Variants in RIMS2 observed in about 807,000 individuals in gnomAD.
RIMS2 encodes the protein regulating synaptic membrane exocytosis protein 2.
A neutral mutation model predicts 174.4 loss-of-function variants in RIMS2; 59 were observed. The ratio of observed to expected loss-of-function variants is 0.34; its 90% confidence interval spans 0.27 to 0.42. The LOEUF is 0.42. Ranked by LOEUF, RIMS2 falls within the 10% of genes least tolerant of loss-of-function variation. RIMS2 has a pLI of 1.00. For missense variants in RIMS2, 1,620 were observed against 1,666.3 expected (o/e 0.97, Z 0.48); for synonymous variants, 606 against 572.5 (o/e 1.06, Z -0.84).
At chr8:104,076,039 A>G (rs1442856673) in intron 19 of RIMS2, among the ~76,000 whole-genome samples, 2 of 152,188 alleles carry the variant, frequency 1.3e-5, no homozygotes, top group Non-Finnish European at 2.9e-5. Flanking sequence ...ACCCTGAGGT[A>G]TTTCCTTTAT....
chr8:103,567,975 T>A (rs2092502687), intron 1 of RIMS2, among the ~76,000 whole-genome samples: 1 of 152,190 alleles, frequency 6.6e-6, no homozygotes, highest in South Asian at 2.1e-4. Flanking sequence ...GAAATATATA[T>A]TCAAATCCTT....
chr8:104,138,971 A>T (rs2098544631), intron 19 of RIMS2, among the ~76,000 whole-genome samples: 1 of 152,128 alleles, frequency 6.6e-6, no homozygotes, highest in East Asian at 1.9e-4. Flanking sequence ...ATCTAGTTTT[A>T]TTTTTCTGCA....
chr8:103,595,224 A>C (rs1031766945), intron 1 of RIMS2, among the ~76,000 whole-genome samples: 1 of 151,792 alleles, frequency 6.6e-6, no homozygotes, highest in Non-Finnish European at 1.5e-5. Flanking sequence ...TTTTAATATT[A>C]ATATCTATTT....
At chr8:104,043,022 T>TA (rs2096634804) in intron 19 of RIMS2, among the ~76,000 whole-genome samples, 1 of 151,486 alleles carries the variant, frequency 6.6e-6, no homozygotes, top group South Asian at 2.1e-4. Context: ...GAAGAGAATT[T>TA]AAAAAAATCT....
At chr8:104,235,610 C>A (rs906458973) in intron 19 of RIMS2, among the ~76,000 whole-genome samples, 1 of 151,986 alleles carries the variant, frequency 6.6e-6, no homozygotes, top group Non-Finnish European at 1.5e-5. Context: ...CATAGACTGA[C>A]AGACGTTATT....
intron 6 of RIMS2, among the ~76,000 whole-genome samples, chr8:103,912,979 T>TTTG (rs1283303476): frequency 4.8e-5 from 7 of 145,760 alleles, no homozygotes; most frequent in Non-Finnish European, 1.1e-4. Context: ...TGTTTTTTTT[T>TTTG]TTTTTTTTTT....
In RIMS2 at chr8:104,114,317, G is replaced by T. The variant is rs145787184; in HGVS notation, c.3334+99702G>T. Among the ~76,000 whole-genome samples, 4 of 151,912 alleles carry T rather than the reference G, an allele frequency of 2.6e-5. No homozygotes were observed. In the East Asian group the frequency reaches 7.7e-4, roughly 29 times the overall value. On this transcript the variant is annotated intron_variant, in intron 19 of 23. Transcript: ENST00000504942. ...TCTGCATTTCACTTGCTATATACTAGTTTCTCGATTTGTGGTTATTACACA... is the reference window on the plus strand; with the variant it reads ...TCTGCATTTCACTTGCTATATACTATTTTCTCGATTTGTGGTTATTACACA...
At chr8:103,531,387 C>A (rs1406935364) in intron 1 of RIMS2, among the ~76,000 whole-genome samples, 2 of 152,070 alleles carry the variant, frequency 1.3e-5, no homozygotes, top group Non-Finnish European at 2.9e-5. Context: ...ATCAATAAAT[C>A]ATCTTCTAAA....
chr8:104,003,003 T>C (rs948013522), intron 17 of RIMS2, among the ~76,000 whole-genome samples: 2 of 152,220 alleles, frequency 1.3e-5, no homozygotes, highest in Non-Finnish European at 2.9e-5. Context: ...TTAGGATGGA[T>C]ATCATGTTAC....
intron 1 of RIMS2, among the ~76,000 whole-genome samples, chr8:103,636,143 C>T (rs936338425): frequency 6.6e-6 from 1 of 152,164 alleles, no homozygotes; most frequent in Admixed American, 6.5e-5. Flanking sequence ...GGAGCTCCTT[C>T]TTAGGTAGGT....
At chr8:103,564,150 G>C (rs2092021902) in intron 1 of RIMS2, among the ~76,000 whole-genome samples, 1 of 152,096 alleles carries the variant, frequency 6.6e-6, no homozygotes, top group Admixed American at 6.5e-5. Context: ...CATAACTTTT[G>C]TTAAGACATG....
intron 1 of RIMS2, among the ~76,000 whole-genome samples, chr8:103,647,124 G>A (rs1167303935): frequency 1.3e-5 from 2 of 152,154 alleles, no homozygotes; most frequent in Admixed American, 6.6e-5. Context: ...TTTATGTGAA[G>A]AGTTACATTT....
At chr8:103,849,981 C>A (rs557281586) in intron 3 of RIMS2, among the ~76,000 whole-genome samples, 2 of 152,104 alleles carry the variant, frequency 1.3e-5, no homozygotes, top group South Asian at 4.1e-4. Context: ...CCTAATATAG[C>A]TGTTTACACG....
At chr8:103,773,880 A>G (rs1243771348) in intron 3 of RIMS2, among the ~76,000 whole-genome samples, 1 of 152,094 alleles carries the variant, frequency 6.6e-6, no homozygotes, top group Non-Finnish European at 1.5e-5. Flanking sequence ...AGTATAAAAC[A>G]TTTAAAATTG....
chr8:103,786,396 T>C (rs1193594097), intron 3 of RIMS2, among the ~76,000 whole-genome samples: 4 of 151,994 alleles, frequency 2.6e-5, no homozygotes, highest in Non-Finnish European at 5.9e-5. Flanking sequence ...CTGCTTTCTC[T>C]TGTGGGCATT....
exon 5 of RIMS2, chr8:103,910,166 T>C (rs2075374167): frequency 6.2e-7 from 1 of 1,612,390 alleles, no homozygotes; most frequent in Non-Finnish European, 8.5e-7. Context: ...GGATCATACG[T>C]CTTGGCATAG....
chr8:104,038,077 T>G (rs1435380833), intron 19 of RIMS2, among the ~76,000 whole-genome samples: 1 of 152,030 alleles, frequency 6.6e-6, no homozygotes. Context: ...GTAATTACAC[T>G]CTATAATACA....
intron 1 of RIMS2, among the ~76,000 whole-genome samples, chr8:103,543,876 TG>T (rs1357578832): frequency 6.6e-6 from 1 of 152,208 alleles, no homozygotes; most frequent in African/African-American, 2.4e-5. Context: ...ATCTAAGATC[TG>T]AAACTCTTAG....
chr8:104,068,170 C>A (rs1010437907), intron 19 of RIMS2, among the ~76,000 whole-genome samples: 7 of 152,086 alleles, frequency 4.6e-5, no homozygotes, highest in African/African-American at 1.7e-4. Context: ...AGTCAGAGTT[C>A]ACATGATATT....
Sources: allele counts gnomAD v4.1 joint callset (sites outside exome capture counted in the v4.1 genomes callset), GRCh38; gene constraint gnomAD v4.1.1; transcripts MANE v1.5; gene names NCBI Gene and HGNC (gene_info 2026-07-23, HGNC 2026-07-21).